Variants in SEMA5A observed in about 807,000 individuals in gnomAD.
The protein encoded by SEMA5A is semaphorin-5A.
Under a neutral mutation model 135.5 loss-of-function variants are expected in SEMA5A, and 55 were observed. The observed-to-expected ratio is 0.41, with a 90% CI of 0.33 to 0.51. The LOEUF (loss-of-function observed/expected upper bound fraction) is 0.51. Ranked by LOEUF, SEMA5A falls within the 20% of genes least tolerant of loss-of-function variation. The pLI is 0.37. For synonymous variants in SEMA5A, 580 were observed against 546.5 expected, an observed-to-expected ratio of 1.06 and a Z score of -0.85; for missense variants, 1,290 against 1,419.9, an observed-to-expected ratio of 0.91 and a Z score of 1.47.
At position 9,282,848 on chromosome 5, in the gene SEMA5A, C is replaced by T. The variant is rs572276426; in HGVS notation, c.270+35524G>A. On this transcript the variant is annotated intron_variant, in intron 5 of 22. Coordinates refer to ENST00000382496, the MANE Select transcript of SEMA5A (RefSeq NM_003966.3). ...CCTTAAAACCTGTGACCATGTTATG[C>T]TTCATGGCAAGGGGGAAAGTTTAGA... Among the ~76,000 whole-genome samples the T allele has an allele frequency of 1.1e-4, 16 of 152,230 alleles. No homozygotes were observed. In the South Asian group the frequency reaches 1.2e-3, roughly 12 times the overall value.
At chr5:9,502,131 A>T (rs988377634) in intron 1 of SEMA5A, among the ~76,000 whole-genome samples, 1 of 152,270 alleles carries the variant, frequency 6.6e-6, no homozygotes, top group African/African-American at 2.4e-5. Context: ...AAAAAACAAC[A>T]ATATTGAGGA....
chr5:9,180,314 T>C lies in SEMA5A; in HGVS notation c.1273+9953A>G. Among the ~76,000 whole-genome samples, 2 of 152,230 alleles carry C rather than the reference T, an allele frequency of 1.3e-5. 1 individual carries two copies. Among genetic ancestry groups the C allele is most frequent in the Non-Finnish European group, 2.9e-5 (2 of 68,034 alleles). ...CCACACCACCAGGTAATTGAGTTGC[T>C]ATTGGTTGCTGCAATTATTCCCTCA... On this transcript the variant is annotated intron_variant, in intron 11 of 22. Coordinates refer to ENST00000382496, the MANE Select transcript of SEMA5A (RefSeq NM_003966.3).
At chr5:9,237,762 A>C in intron 6 of SEMA5A, 66 bp downstream of exon 6, 1 of 1,418,598 alleles carries the variant, frequency 7.0e-7, no homozygotes, top group Non-Finnish European at 9.9e-7. Context: ...TCATATCAAC[A>C]TGCTTTATAT....
At chr5:9,050,615 C>T (rs2150041031) in intron 20 of SEMA5A, among the ~76,000 whole-genome samples, 158 bp from the exon 21 acceptor site, 1 of 152,332 alleles carries the variant, frequency 6.6e-6, no homozygotes, top group Non-Finnish European at 1.5e-5. Context: ...TGTTTCTTTG[C>T]TTGTTTTAAC....
At position 9,502,152 on chromosome 5, in the gene SEMA5A, A is replaced by G. The variant is rs181182172; in HGVS notation, c.-175+43432T>C. The stretch of plus-strand genomic sequence containing the variant: ...CAACAATATTGAGGAAGTCACTGAA[A>G]GATCCAGGTTAAGAACTGAGGAAAC... On this transcript the variant is annotated intron_variant, in intron 1 of 22. Transcript: ENST00000382496. 7.2e-5 allele frequency among the ~76,000 whole-genome samples: 11 copies of G among 152,328 alleles called. No individual in the cohort carries two copies. The East Asian group carries it at 1.7e-3, about 24-fold the overall frequency.
chr5:9,145,945 A>G (rs2150240308), intron 12 of SEMA5A, among the ~76,000 whole-genome samples: 1 of 152,134 alleles, frequency 6.6e-6, no homozygotes, highest in East Asian at 1.9e-4. Context: ...GCACCTGGCC[A>G]AGAAGGAAAC....
intron 1 of SEMA5A, chr5:9,516,897 T>A (rs1322238340): frequency 6.6e-6 from 1 of 152,238 alleles, no homozygotes; most frequent in Non-Finnish European, 1.5e-5. Context: ...ACCCATTATT[T>A]ACATCCTATC....
chr5:9,227,297 T>C, intron 6 of SEMA5A, among the ~76,000 whole-genome samples: 1 of 152,216 alleles, frequency 6.6e-6, no homozygotes. Flanking sequence ...AGAAATGATT[T>C]CATTTTGAAT....
chr5:9,509,507 T>C (rs1173209928), intron 1 of SEMA5A, among the ~76,000 whole-genome samples: 1 of 152,084 alleles, frequency 6.6e-6, no homozygotes, highest in Admixed American at 6.5e-5. Flanking sequence ...ACCCCTGACC[T>C]CAGGTGATCC....
chr5:9,270,536 G>C (rs1055650464), intron 5 of SEMA5A, among the ~76,000 whole-genome samples: 1 of 152,110 alleles, frequency 6.6e-6, no homozygotes, highest in East Asian at 1.9e-4. Context: ...GGCCAGAAAA[G>C]GAAGTATGAA....
At chr5:9,098,624 CAG>C (rs1273229018) in intron 16 of SEMA5A, among the ~76,000 whole-genome samples, 1 of 152,098 alleles carries the variant, frequency 6.6e-6, no homozygotes, top group African/African-American at 2.4e-5. Flanking sequence ...TTTAAAAAAC[CAG>C]AGACATGGGT....
At chr5:9,422,806 G>C (rs1757515556) in intron 2 of SEMA5A, among the ~76,000 whole-genome samples, 1 of 152,130 alleles carries the variant, frequency 6.6e-6, no homozygotes, top group African/African-American at 2.4e-5. Flanking sequence ...CAATAAAGAG[G>C]ATGTTGAATT....
chr5:9,267,307 A>G (rs1749734142), intron 5 of SEMA5A, among the ~76,000 whole-genome samples: 1 of 152,174 alleles, frequency 6.6e-6, no homozygotes, highest in Admixed American at 6.5e-5. Context: ...CTTTGCCTCT[A>G]TATCGCGCTA....
intron 3 of SEMA5A, among the ~76,000 whole-genome samples, chr5:9,365,865 A>G (rs1167074950): frequency 6.6e-6 from 1 of 152,170 alleles, no homozygotes; most frequent in Non-Finnish European, 1.5e-5. Context: ...CCTAACATGA[A>G]ATAAAAACCA....
At chr5:9,515,015 C>A (rs191539074) in intron 1 of SEMA5A, among the ~76,000 whole-genome samples, 39 of 152,332 alleles carry the variant, frequency 2.6e-4, no homozygotes, top group South Asian at 2.1e-3. Flanking sequence ...TTTTCTCCTA[C>A]ACTTAAATCG....
intron 5 of SEMA5A, among the ~76,000 whole-genome samples, chr5:9,239,077 A>G (rs1228856638): frequency 1.3e-5 from 2 of 152,210 alleles, no homozygotes. Flanking sequence ...TGCCTTCCAA[A>G]GAATGTTACA....
chr5:9,445,526 G>A (rs370478601), intron 1 of SEMA5A, among the ~76,000 whole-genome samples: 105 of 152,122 alleles, frequency 6.9e-4, no homozygotes, highest in Middle Eastern at 6.8e-3. Context: ...AAAATTAGCC[G>A]GGTGTGGTGG....
chr5:9,512,985 C>T (rs969688330), intron 1 of SEMA5A, among the ~76,000 whole-genome samples: 1 of 150,556 alleles, frequency 6.6e-6, no homozygotes, highest in Non-Finnish European at 1.5e-5. Flanking sequence ...TTAATGAAAA[C>T]GAAGAATAAA....
chr5:9,293,806 T>A (rs1005486789), intron 5 of SEMA5A, among the ~76,000 whole-genome samples: 5 of 152,026 alleles, frequency 3.3e-5, no homozygotes, highest in African/African-American at 4.8e-5. Context: ...AGGCTAGAGG[T>A]GGAGGGGATA....
Sources: gnomAD v4.1 joint callset for allele counts (sites outside exome capture counted in the v4.1 genomes callset) on GRCh38, gnomAD v4.1.1 for gene constraint, MANE v1.5 for transcripts, NCBI Gene and HGNC (gene_info 2026-07-23, HGNC 2026-07-21) for gene names.